The following TRIM14 variants were observed in gnomAD, a reference collection of about 807,000 sequenced individuals.
TRIM14 encodes the protein tripartite motif containing 14.
In TRIM14, 28 loss-of-function variants were observed where a neutral mutation model predicts 44.5. The ratio of observed to expected loss-of-function variants is 0.63; its 90% CI spans 0.47 to 0.86. TRIM14 has a LOEUF of 0.86. TRIM14 is among the 40% of genes least tolerant of loss of function. The pLI, the probability that TRIM14 is intolerant of heterozygous loss-of-function variation, is 0.00. For missense variants in TRIM14, 607 were observed against 611.1 expected (o/e 0.99, Z 0.07); for synonymous variants, 299 against 269.2 (o/e 1.11, Z -1.08).
chr9:98,105,720 T>C (rs536643171), intron 2 of TRIM14, among the ~76,000 whole-genome samples: 2 of 152,268 alleles, frequency 1.3e-5, no homozygotes, highest in African/African-American at 4.8e-5. Context: ...GGTGCATGCA[T>C]GCAGACGAAA....
chr9:98,097,903 T>G (rs1403209274), intron 3 of TRIM14, among the ~76,000 whole-genome samples: 2 of 152,218 alleles, frequency 1.3e-5, no homozygotes, highest in Non-Finnish European at 2.9e-5. Flanking sequence ...TTGCCTCTCT[T>G]AAAGCACAAC....
At chr9:98,083,372 G>T (rs1198985375), downstream of TRIM14, among the ~76,000 whole-genome samples, 2 of 152,232 alleles carry the variant, frequency 1.3e-5, no homozygotes, top group Non-Finnish European at 2.9e-5. Flanking sequence ...GCTGCAGAGA[G>T]GGGTGAGAGC....
At chr9:98,039,743 A>G in the TRIM14 span, among the ~76,000 whole-genome samples, 96 of 152,142 alleles carry the variant, frequency 6.3e-4, 1 homozygote, top group African/African-American at 1.9e-3. Flanking sequence ...CCGACTCCCT[A>G]TGATTTCATC....
intron 3 of TRIM14, among the ~76,000 whole-genome samples, chr9:98,097,769 C>G (rs1658046277): frequency 6.6e-6 from 1 of 152,100 alleles, no homozygotes; most frequent in Non-Finnish European, 1.5e-5. Context: ...GATGACAAAG[C>G]CCTGAAACCG....
intron 1 of TRIM14, among the ~76,000 whole-genome samples, chr9:98,117,591 G>A (rs1043340395): frequency 1.3e-5 from 2 of 152,122 alleles, no homozygotes; most frequent in African/African-American, 4.8e-5. Flanking sequence ...CACTGTGCCC[G>A]ACTGCTTATG....
At chr9:98,078,014 T>A in intron 6 of TRIM14, 1 of 820,506 alleles carries the variant, frequency 1.2e-6, no homozygotes, top group Non-Finnish European at 1.9e-6. Context: ...CCACCTTTCC[T>A]GTGGCCGAGG....
Position 98,087,204 on chromosome 9 carries a change from T to C in TRIM14, c.*266A>G. On this transcript the variant is annotated 3_prime_UTR_variant, in exon 6 of 6. Transcript: ENST00000341469. ...TGTGGGGGTATCACTTTGAAGGAAC[T>C]GGATTAAAGTAGTGTAAGTGATGGT... is the stretch of plus-strand genomic sequence containing the variant. 1.3e-6 allele frequency: 1 copy of C among 750,774 alleles called. No homozygotes were observed. Among genetic ancestry groups the C allele is most frequent in the Non-Finnish European group, 2.5e-6 (1 of 400,516 alleles). 46.5% of individuals were successfully genotyped at this position (750,774 alleles called of 1,614,324 possible). A position where few individuals can be genotyped will look rare whatever the true frequency, so the allele number is the denominator to read the frequency against.
chr9:98,080,077 G>A (rs992642511), downstream of TRIM14, among the ~76,000 whole-genome samples: 2 of 152,174 alleles, frequency 1.3e-5, no homozygotes, highest in Non-Finnish European at 2.9e-5. Flanking sequence ...AGCTGGGCGT[G>A]GTGGCGGGCA....
At chr9:98,112,413 A>T (rs1826884382) in intron 1 of TRIM14, among the ~76,000 whole-genome samples, 1 of 152,214 alleles carries the variant, frequency 6.6e-6, no homozygotes, top group Admixed American at 6.5e-5. Context: ...AAAAGGAAGT[A>T]TAGGACAAAA....
chr9:98,118,329 A>C (rs558622336), intron 1 of TRIM14, among the ~76,000 whole-genome samples: 9 of 152,282 alleles, frequency 5.9e-5, no homozygotes, highest in African/African-American at 2.2e-4. Context: ...GCATCTGGCT[A>C]ATGGAGTCCT....
At chr9:98,098,920 C>T (rs953650376) in intron 3 of TRIM14, among the ~76,000 whole-genome samples, 33 of 152,106 alleles carry the variant, frequency 2.2e-4, no homozygotes, top group African/African-American at 6.7e-4. Context: ...CACAGGTGCA[C>T]GCCATCACGC....
At chr9:98,088,810 T>C (rs532593976) in intron 5 of TRIM14, among the ~76,000 whole-genome samples, 1 of 152,360 alleles carries the variant, frequency 6.6e-6, no homozygotes, top group East Asian at 1.9e-4. Context: ...TTTTTTAAGG[T>C]CTTTGATACA....
chr9:98,080,859 G>A, downstream of TRIM14: 1 of 1,611,482 alleles, frequency 6.2e-7, no homozygotes, highest in Non-Finnish European at 8.5e-7. Context: ...GGGTATTCTG[G>A]GCATGAAACA....
the TRIM14 span, among the ~76,000 whole-genome samples, chr9:98,040,656 T>A: frequency 2.9e-5 from 4 of 138,880 alleles, no homozygotes; most frequent in Non-Finnish European, 6.4e-5. Context: ...ACCTGCGTAT[T>A]TTCTTTTCTT....
chr9:98,053,908 TG>T, the TRIM14 span, among the ~76,000 whole-genome samples: 2 of 152,238 alleles, frequency 1.3e-5, no homozygotes. Context: ...ATGGGCTGCA[TG>T]GAGAACCGAA....
At chr9:98,049,196 G>T in the TRIM14 span, among the ~76,000 whole-genome samples, 1 of 151,680 alleles carries the variant, frequency 6.6e-6, no homozygotes, top group Non-Finnish European at 1.5e-5. Context: ...ACAAAAATTA[G>T]CCAGGCGTGG....
chr9:98,091,569 T>A (rs1418870179), intron 5 of TRIM14, among the ~76,000 whole-genome samples: 1 of 152,098 alleles, frequency 6.6e-6, no homozygotes, highest in African/African-American at 2.4e-5. Flanking sequence ...ATGTATAGTA[T>A]GACACCACGT....
intron 2 of TRIM14, among the ~76,000 whole-genome samples, chr9:98,100,556 G>C (rs936200772): frequency 1.5e-4 from 23 of 152,050 alleles, no homozygotes; most frequent in Non-Finnish European, 3.1e-4. Context: ...GAGAGAATAA[G>C]CATAAGAAAA....
chr9:98,065,483 A>ATTTTTTTTTTTTTTTTTTT (rs397837187), downstream of TRIM14, among the ~76,000 whole-genome samples: 23 of 58,632 alleles, frequency 3.9e-4, 1 homozygote, highest in South Asian at 9.8e-4. Flanking sequence ...TGCCCAGCTA[A>ATTTTTTTTTTTTTTTTTTT]TTTTTTTTTT....
Sources: allele counts gnomAD v4.1 joint callset (sites outside exome capture counted in the v4.1 genomes callset), GRCh38; gene constraint gnomAD v4.1.1; transcripts MANE v1.5; gene names NCBI Gene and HGNC (gene_info 2026-07-23, HGNC 2026-07-21).